TENM2: variants seen among roughly 807,000 people sequenced by gnomAD.
TENM2 encodes teneurin transmembrane protein 2, also known as teneurin-2.
A neutral mutation model predicts 245.2 loss-of-function variants in TENM2; 52 were observed. That is an observed-to-expected ratio of 0.21 (90% CI 0.17 to 0.27). The LOEUF (loss-of-function observed/expected upper bound fraction) is 0.27. Among genes scored for constraint, TENM2 ranks in the 10% least tolerant of loss-of-function variants. The pLI is 1.00. For synonymous variants in TENM2, 1,363 were observed against 1,438.9 expected (o/e 0.95, Z 1.19); for missense variants, 3,046 against 3,666.8 (o/e 0.83, Z 4.37).
rs545468437 is a variant in TENM2 at position 168,238,020 on chromosome 5, C to T, written c.5521-6400C>T. On this transcript the variant is annotated intron_variant, in intron 25 of 28. Coordinates refer to ENST00000518659, the Ensembl canonical transcript of TENM2. ...ATTAGCTGGGCATGGTGGCGGGCGCCTGTAGTCGCAGCTACTCAGGAGGCT... is the reference window on the plus strand; with the variant it reads ...ATTAGCTGGGCATGGTGGCGGGCGCTTGTAGTCGCAGCTACTCAGGAGGCT... Among the ~76,000 whole-genome samples the T allele has an allele frequency of 2.2e-4, 34 of 151,280 alleles. No individual in the cohort carries two copies. The South Asian group carries it at 6.7e-3, about 30-fold the overall frequency.
downstream of TENM2, chr5:168,263,138 A>G (rs1445445673): frequency 8.2e-6 from 2 of 244,378 alleles, no homozygotes; most frequent in Non-Finnish European, 7.9e-6. Flanking sequence ...AAGTGTCCAA[A>G]AGGAACAAAA....
intron 2 of TENM2, among the ~76,000 whole-genome samples, chr5:167,801,920 A>ACACG (rs1241643755): frequency 6.6e-6 from 1 of 151,580 alleles, no homozygotes; most frequent in East Asian, 1.9e-4. Context: ...ACACACACAC[A>ACACG]CACACACACA....
chr5:168,014,947 T>C (rs1228729449), intron 5 of TENM2, among the ~76,000 whole-genome samples: 1 of 152,204 alleles, frequency 6.6e-6, no homozygotes, highest in Admixed American at 6.5e-5. Flanking sequence ...GATCAGCCGC[T>C]GGGAGCCTGG....
chr5:168,246,894 T>C (rs760269445), exon 27 of TENM2: 2 of 1,613,996 alleles, frequency 1.2e-6, no homozygotes, highest in Admixed American at 3.3e-5. Context: ...ACATCCGTAA[T>C]ATTTACAACC....
intron 2 of TENM2, among the ~76,000 whole-genome samples, chr5:167,627,411 A>G (rs1778578135): frequency 6.6e-6 from 1 of 152,174 alleles, no homozygotes; most frequent in Non-Finnish European, 1.5e-5. Context: ...TAAACTGCAG[A>G]AAAAGACCAT....
At chr5:167,890,991 T>C (rs1212711484) in intron 3 of TENM2, among the ~76,000 whole-genome samples, 6 of 152,300 alleles carry the variant, frequency 3.9e-5, no homozygotes, top group Non-Finnish European at 4.4e-5. Context: ...GATAAAAATT[T>C]CAAGTGACTT....
At chr5:167,936,938 G>A (rs1778766159) in intron 3 of TENM2, among the ~76,000 whole-genome samples, 1 of 152,136 alleles carries the variant, frequency 6.6e-6, no homozygotes, top group Admixed American at 6.5e-5. Flanking sequence ...TGGTACCTTT[G>A]CAATGTATCC....
At chr5:168,073,325 G>A (rs1017482951) in intron 7 of TENM2, among the ~76,000 whole-genome samples, 2 of 152,170 alleles carry the variant, frequency 1.3e-5, no homozygotes, top group African/African-American at 4.8e-5. Flanking sequence ...GCAGCCTCCT[G>A]GAGGAGAGGC....
chr5:167,238,154 T>A, the TENM2 span, among the ~76,000 whole-genome samples: 6 of 151,998 alleles, frequency 3.9e-5, no homozygotes, highest in Admixed American at 3.9e-4. Flanking sequence ...CTTTTAGCAA[T>A]GTATTCTGTT....
intron 2 of TENM2, among the ~76,000 whole-genome samples, chr5:167,616,305 C>G (rs1777785198): frequency 6.6e-6 from 1 of 152,054 alleles, no homozygotes; most frequent in Non-Finnish European, 1.5e-5. Flanking sequence ...GAAATAAGAG[C>G]AGTTATTCAG....
intron 2 of TENM2, among the ~76,000 whole-genome samples, chr5:167,442,202 T>G (rs1375128159): frequency 6.6e-6 from 1 of 152,226 alleles, no homozygotes; most frequent in East Asian, 1.9e-4. Context: ...CAGTGATATT[T>G]TCTGAGATCT....
intron 3 of TENM2, among the ~76,000 whole-genome samples, chr5:167,927,672 G>A (rs913398818): frequency 4.6e-5 from 7 of 152,164 alleles, no homozygotes; most frequent in African/African-American, 1.7e-4. Context: ...GGGTATTTTT[G>A]TTTCTTTATT....
intron 2 of TENM2, among the ~76,000 whole-genome samples, chr5:167,444,021 C>T (rs1765013877): frequency 6.6e-6 from 1 of 151,958 alleles, no homozygotes; most frequent in African/African-American, 2.4e-5. Flanking sequence ...TTCATTGGCA[C>T]ATAAATGTTT....
intron 2 of TENM2, among the ~76,000 whole-genome samples, chr5:167,385,011 A>C (rs1761334429): frequency 6.6e-6 from 1 of 152,226 alleles, no homozygotes; most frequent in East Asian, 1.9e-4. Context: ...AGTGCAATCT[A>C]TTCTGCTTAC....
At chr5:168,039,611 C>T (rs571661684) in intron 5 of TENM2, among the ~76,000 whole-genome samples, 6 of 152,112 alleles carry the variant, frequency 3.9e-5, no homozygotes, top group South Asian at 2.1e-4. Flanking sequence ...ACACTCTGTG[C>T]GGCTAATGGC....
At chr5:168,054,755 A>G (rs576297617) in intron 6 of TENM2, among the ~76,000 whole-genome samples, 13 of 152,288 alleles carry the variant, frequency 8.5e-5, no homozygotes, top group South Asian at 6.2e-4. Context: ...TTTTAGGTAC[A>G]TATTTCAGAA....
chr5:168,193,642 A>G (rs1353746652), intron 14 of TENM2, among the ~76,000 whole-genome samples: 12 of 152,202 alleles, frequency 7.9e-5, no homozygotes, highest in Non-Finnish European at 1.5e-5. Context: ...TAAAAGAAAT[A>G]GCAGTTGTAG....
chr5:168,016,769 A>G (rs950000154), intron 5 of TENM2, among the ~76,000 whole-genome samples: 1 of 152,218 alleles, frequency 6.6e-6, no homozygotes, highest in Admixed American at 6.5e-5. Flanking sequence ...TCTTCCACTT[A>G]CTGACTGCAT....
the TENM2 span, among the ~76,000 whole-genome samples, chr5:167,016,277 CAAACAAAAA>C: frequency 3.7e-5 from 3 of 82,178 alleles, no homozygotes; most frequent in South Asian, 4.4e-4. Context: ...AACAAACAAA[CAAACAAAAA>C]AAAAAAAAAA....
Sources: gnomAD v4.1 joint callset for allele counts (sites outside exome capture counted in the v4.1 genomes callset) on GRCh38, gnomAD v4.1.1 for gene constraint, MANE v1.5 for transcripts, NCBI Gene and HGNC (gene_info 2026-07-23, HGNC 2026-07-21) for gene names.